Variants in MANEA observed in about 807,000 individuals in gnomAD.
The protein encoded by MANEA is glycoprotein endo-alpha-1,2-mannosidase.
Under a neutral mutation model 36.8 loss-of-function variants are expected in MANEA, and 25 were observed. The ratio of observed to expected loss-of-function variants is 0.68; its 90% confidence interval spans 0.50 to 0.95. The LOEUF (loss-of-function observed/expected upper bound fraction) is 0.95, where lower values mean the gene tolerates loss of function less well. Ranked by LOEUF, MANEA falls within the 40% of genes least tolerant of loss-of-function variation. The pLI, the probability that MANEA is intolerant of heterozygous loss-of-function variation, is 0.00. For missense variants in MANEA, 565 were observed against 558.8 expected, an observed-to-expected ratio of 1.01 and a Z score of -0.11; for synonymous variants, 198 against 188.5, an observed-to-expected ratio of 1.05 and a Z score of -0.41.
chr6:95,582,084 C>A (rs1459195252), intron 1 of MANEA, among the ~76,000 whole-genome samples: 2 of 132,022 alleles, frequency 1.5e-5, no homozygotes, highest in Non-Finnish European at 3.2e-5. Context: ...TCCCTTTCTT[C>A]AATCAAAGGG....
intron 3 of MANEA, among the ~76,000 whole-genome samples, chr6:95,604,061 G>GGGGTGTGTGTGTGTGTGTGTGTGT (rs369467389): frequency 1.4e-5 from 2 of 138,320 alleles, no homozygotes; most frequent in African/African-American, 2.7e-5. Context: ...TATGTATGTA[G>GGGGTGTGTGTGTGTGTGTGTGTGT]GTGTGTGTGT....
chr6:95,602,832 A>C (rs1016555527), intron 3 of MANEA, among the ~76,000 whole-genome samples: 1 of 150,438 alleles, frequency 6.6e-6, no homozygotes. Flanking sequence ...CATCCTGGCT[A>C]ACAAGGTGAA....
intron 2 of MANEA, among the ~76,000 whole-genome samples, chr6:95,594,841 A>G (rs559935047): frequency 2.6e-5 from 4 of 152,230 alleles, no homozygotes; most frequent in South Asian, 2.1e-4. Flanking sequence ...ACTTGTACCA[A>G]TTTTGCTTGG....
Position 95,586,511 on chromosome 6 carries a change from G to A in MANEA, c.72G>A (p.Met24Ile). The change falls in exon 2 of 5, where the codon ATG becomes ATA. Residue 24 changes from methionine (M) to isoleucine (I), a missense_variant. Coordinates refer to ENST00000358812, the MANE Select transcript of MANEA (RefSeq NM_024641.4). ...LFILFIFSLM[M>I]GLKMLRPNTA... Reference sequence around the variant, plus strand: ...TTCTATTTATTTTCTCTCTGATGATGGGTTTAAAAATGCTGAGACCAAATA... The same window carrying A: ...TTCTATTTATTTTCTCTCTGATGATAGGTTTAAAAATGCTGAGACCAAATA... 1 of 1,613,796 alleles carries A rather than the reference G, an allele frequency of 6.2e-7. No homozygotes were observed. The highest frequency in any genetic ancestry group is 8.5e-7 in the Non-Finnish European group (1 of 1,179,870).
chr6:95,583,670 C>G (rs1769226380), intron 1 of MANEA, among the ~76,000 whole-genome samples: 1 of 152,038 alleles, frequency 6.6e-6, no homozygotes, highest in South Asian at 2.1e-4. Context: ...AGCAGTTGCC[C>G]TTAGGCAGGG....
At chr6:95,597,087 G>A (rs757167927) in intron 3 of MANEA, among the ~76,000 whole-genome samples, 1 of 151,730 alleles carries the variant, frequency 6.6e-6, no homozygotes, top group African/African-American at 2.4e-5. Flanking sequence ...GGATTGAAAG[G>A]TTCTTTTGTG....
rs867944250 is a variant in MANEA at position 95,593,442 on chromosome 6, A to G, written c.545-3295A>G. 2.0e-5 allele frequency among the ~76,000 whole-genome samples: 3 copies of G among 152,170 alleles called. No individual in the cohort carries two copies. The South Asian group carries it at 6.2e-4, about 32-fold the overall frequency. ...GCAAAGAGGATAAAAGAGGAAGAGA[A>G]ATTACTAGACCAAGAATGGGATGGT... On this transcript the variant is annotated intron_variant, in intron 2 of 4. Coordinates refer to ENST00000358812, the MANE Select transcript of MANEA (RefSeq NM_024641.4).
At position 95,605,904 on chromosome 6, in the gene MANEA, T is replaced by A; in HGVS notation, c.888T>A (p.Asp296Glu). ...GGAGTATTCGCAATTCTCCTTATGA[T>A]GGACTGTTTATTGCCCTTCTGGTAG... ...GSRSIRNSPY[D>E]GLFIALLVEE... Residue 296 changes from aspartate to glutamate, a missense_variant, in exon 5 of 5, where the codon GAT (aspartate) becomes GAA (glutamate). Physicochemically the swap from Asp to Glu is conservative, Grantham distance 45 (BLOSUM62 2). Coordinates refer to ENST00000358812, the MANE Select transcript of MANEA (RefSeq NM_024641.4). 2 of 1,614,102 alleles carry A rather than the reference T, an allele frequency of 1.2e-6. No individual in the cohort carries two copies. Among genetic ancestry groups the A allele is most frequent in the Non-Finnish European group, 1.7e-6 (2 of 1,179,992 alleles).
intron 2 of MANEA, among the ~76,000 whole-genome samples, chr6:95,591,455 TA>T (rs559087912): frequency 5.9e-5 from 9 of 152,070 alleles, no homozygotes; most frequent in African/African-American, 2.2e-4. Flanking sequence ...TGCCGTAATT[TA>T]AAAAAATCTT....
chr6:95,582,173 C>CTTT (rs67978183), intron 1 of MANEA, among the ~76,000 whole-genome samples: 51 of 79,382 alleles, frequency 6.4e-4, no homozygotes, highest in Non-Finnish European at 7.7e-4. Flanking sequence ...GTTGTATCAT[C>CTTT]TTTTTTTTTT....
At chr6:95,592,876 A>G (rs200801606) in intron 2 of MANEA, among the ~76,000 whole-genome samples, 2 of 152,170 alleles carry the variant, frequency 1.3e-5, no homozygotes, top group East Asian at 1.9e-4. Context: ...TCTGATTTTT[A>G]TACCCTATAT....
chr6:95,606,259 G>C lies in MANEA; in HGVS notation c.1243G>C (p.Val415Leu), dbSNP rs763972020. 1.2e-6 allele frequency: 2 copies of C among 1,613,666 alleles called. No homozygotes were observed. The highest frequency in any genetic ancestry group is 1.7e-6 in the Non-Finnish European group (2 of 1,179,958). Residue 415 changes from valine to leucine, a missense_variant, in exon 5 of 5, where the codon GTT (valine) becomes CTT (leucine). Physicochemically the swap from Val to Leu is conservative, Grantham distance 32 (BLOSUM62 1). Transcript: ENST00000358812. Reference protein sequence around the residue: ...WHEGTQIEKAVPKRTSNTVYL... With the variant: ...WHEGTQIEKALPKRTSNTVYL... ...TGAAGGAACTCAGATTGAAAAAGCTGTTCCCAAAAGAACCAGTAATACAGT... is the reference window on the plus strand; with the variant it reads ...TGAAGGAACTCAGATTGAAAAAGCTCTTCCCAAAAGAACCAGTAATACAGT...
intron 2 of MANEA, among the ~76,000 whole-genome samples, chr6:95,595,167 A>G (rs1346616319): frequency 6.6e-6 from 1 of 151,962 alleles, no homozygotes; most frequent in Non-Finnish European, 1.5e-5. Context: ...TGTTCCTTTC[A>G]TTTTCTGCAT....
rs67978183 is a variant in MANEA at position 95,582,173 on chromosome 6, C to CTT, written c.-38-4202_-38-4201dup. On this transcript the variant is annotated intron_variant, in intron 1 of 4. Coordinates refer to ENST00000358812, the MANE Select transcript of MANEA (RefSeq NM_024641.4). ...TGGCATGCCAAAATGGTTGTATCAT[C>CTT]TTTTTTTTTTTTTTTTTTTTTTTTT... Among the ~76,000 whole-genome samples the CTT allele has an allele frequency of 3.3e-3, 261 of 79,396 alleles. 15 individuals are homozygous for CTT. Among genetic ancestry groups the CTT allele is most frequent in the Middle Eastern group, 6.8e-3 (1 of 148 alleles). The allele number at this position is 79,396 out of a possible 152,430, so 52.1% of individuals were successfully genotyped here. A position where few individuals can be genotyped will look rare whatever the true frequency, so the allele number is the denominator to read the frequency against.
intron 1 of MANEA, among the ~76,000 whole-genome samples, chr6:95,578,258 G>T (rs955727018): frequency 2.8e-4 from 43 of 152,154 alleles, no homozygotes; most frequent in African/African-American, 1.0e-3. Context: ...AACAGTGCTG[G>T]ATTAGTGTTT....
At chr6:95,602,254 A>G (rs1422985266) in intron 3 of MANEA, among the ~76,000 whole-genome samples, 1 of 151,778 alleles carries the variant, frequency 6.6e-6, no homozygotes, top group African/African-American at 2.4e-5. Flanking sequence ...CAATATTAAG[A>G]AGAAGGATGA....
At position 95,606,077 on chromosome 6, in the gene MANEA, C is replaced by A. The variant is rs757319447; in HGVS notation, c.1061C>A (p.Pro354Gln). ...GATAAATACAACTTAATATTTATCC[C>A]AAGTGTGGGCCCAGGATACATAGAT... ...FCDKYNLIFI[P>Q]SVGPGYIDTS... The change falls in exon 5 of 5, where the codon CCA (proline) becomes CAA (glutamine). Residue 354 changes from proline (P) to glutamine (Q), a missense_variant. By Grantham distance (76) the Pro-to-Gln change is moderately conservative. Coordinates refer to ENST00000358812, the MANE Select transcript of MANEA (RefSeq NM_024641.4). 1 of 1,613,836 alleles carries A rather than the reference C, an allele frequency of 6.2e-7. No individual in the cohort carries two copies. Among genetic ancestry groups the A allele is most frequent in the Non-Finnish European group, 8.5e-7 (1 of 1,179,880 alleles).
Position 95,606,458 on chromosome 6 carries a change from CT to C in MANEA, c.*56del. ...AAAATCACCTAATTTTTAAAAATAG[CT>C]TTCGTTTTGAGTTCTGGAAAGAAAA... On this transcript the variant is annotated 3_prime_UTR_variant, in exon 5 of 5. Transcript: ENST00000358812. 7.3e-7 allele frequency: 1 copy of C among 1,377,980 alleles called. No homozygotes were observed. Among genetic ancestry groups the C allele is most frequent in the South Asian group, 1.5e-5 (1 of 68,914 alleles). The allele number at this position is 1,377,980 out of a possible 1,614,324, so 85.4% of individuals were successfully genotyped here.
Position 95,586,554 on chromosome 6 carries a change from C to A in MANEA, c.115C>A (p.Pro39Thr). 6.2e-7 allele frequency: 1 copy of A among 1,613,964 alleles called. No homozygotes were observed. Among genetic ancestry groups the A allele is most frequent in the Non-Finnish European group, 8.5e-7 (1 of 1,179,954 alleles). The change falls in exon 2 of 5, where the codon CCT (proline) becomes ACT (threonine). Residue 39 changes from proline (P) to threonine (T), a missense_variant. Physicochemically the swap from Pro to Thr is conservative, Grantham distance 38. Coordinates refer to ENST00000358812, the MANE Select transcript of MANEA (RefSeq NM_024641.4). ...ACCAAATACAGCTACTTTTGGAGCTCCTTTTGGACTTGACCTTCTTCCAGA... is the reference window on the plus strand; with the variant it reads ...ACCAAATACAGCTACTTTTGGAGCTACTTTTGGACTTGACCTTCTTCCAGA... ...LRPNTATFGA[P>T]FGLDLLPELH...
Sources: gnomAD v4.1 joint callset for allele counts (sites outside exome capture counted in the v4.1 genomes callset) on GRCh38, gnomAD v4.1.1 for gene constraint, MANE v1.5 for transcripts, NCBI Gene and HGNC (gene_info 2026-07-23, HGNC 2026-07-21) for gene names.